Variants in NAV3 observed in about 807,000 individuals in gnomAD.
NAV3 encodes pore membrane and/or filament interacting like protein 1.
Under a neutral mutation model 244.7 loss-of-function variants are expected in NAV3, and 87 were observed. The ratio of observed to expected loss-of-function variants is 0.36; its 90% CI spans 0.30 to 0.42. The LOEUF (loss-of-function observed/expected upper bound fraction) is 0.42. NAV3 is among the 20% of genes least tolerant of loss of function. The probability of loss-of-function intolerance (pLI) is 1.00; values close to 1 mark genes in which losing one functional copy is unlikely to be tolerated. For missense variants in NAV3, 2,663 were observed against 2,893.3 expected, an observed-to-expected ratio of 0.92 and a Z score of 1.83; for synonymous variants, 1,126 against 1,042.2, an observed-to-expected ratio of 1.08 and a Z score of -1.55.
chr12:77,812,228 C>T (rs182272899), intron 2 of NAV3, among the ~76,000 whole-genome samples: 51 of 152,136 alleles, frequency 3.4e-4, no homozygotes, highest in Admixed American at 6.5e-4. Context: ...CCTCCTTGGA[C>T]TGAAAGCATT....
intron 2 of NAV3, among the ~76,000 whole-genome samples, chr12:77,630,851 A>G (rs760036704): frequency 2.0e-5 from 3 of 152,192 alleles, no homozygotes; most frequent in Non-Finnish European, 2.9e-5. Flanking sequence ...TGCTAGGTGA[A>G]CAACTTGCTG....
chr12:77,967,248 A>G (rs1336633153), intron 4 of NAV3, among the ~76,000 whole-genome samples: 4 of 152,090 alleles, frequency 2.6e-5, no homozygotes, highest in African/African-American at 9.6e-5. Context: ...TAAAATATAC[A>G]TGAATGCTCA....
intron 31 of NAV3, among the ~76,000 whole-genome samples, chr12:78,186,265 C>G (rs903153336): frequency 6.6e-6 from 1 of 151,876 alleles, no homozygotes; most frequent in African/African-American, 2.4e-5. Context: ...CTATCCCTTT[C>G]TTAAAACAAC....
chr12:77,724,352 G>A (rs1876781273), intron 2 of NAV3, among the ~76,000 whole-genome samples: 1 of 151,866 alleles, frequency 6.6e-6, no homozygotes, highest in South Asian at 2.1e-4. Context: ...ACTCAAAGAT[G>A]TTCAATTCTA....
At chr12:78,174,419 T>C (rs1958133381) in intron 24 of NAV3, among the ~76,000 whole-genome samples, 1 of 151,818 alleles carries the variant, frequency 6.6e-6, no homozygotes. Flanking sequence ...TTTAACACAA[T>C]GGATATTAGA....
chr12:77,910,490 T>A (rs1353333810), intron 1 of NAV3, among the ~76,000 whole-genome samples: 1 of 152,060 alleles, frequency 6.6e-6, no homozygotes, highest in Non-Finnish European at 1.5e-5. Context: ...CATTTCAACA[T>A]GAGATTTGGA....
intron 31 of NAV3, among the ~76,000 whole-genome samples, chr12:78,187,979 T>A (rs1958801773): frequency 6.6e-6 from 1 of 151,942 alleles, no homozygotes; most frequent in Admixed American, 6.6e-5. Context: ...AGGTCATGGA[T>A]CAGTTTTCCT....
intron 3 of NAV3, among the ~76,000 whole-genome samples, chr12:77,956,645 AAC>A (rs898922591): frequency 6.6e-6 from 1 of 152,172 alleles, no homozygotes; most frequent in Non-Finnish European, 1.5e-5. Context: ...CATCCTTGTG[AAC>A]AGTTTTCCTT....
chr12:77,747,808 T>C (rs1225609581), intron 2 of NAV3, among the ~76,000 whole-genome samples: 1 of 152,054 alleles, frequency 6.6e-6, no homozygotes, highest in East Asian at 1.9e-4. Flanking sequence ...CTGCATGTTC[T>C]CACTCATAGG....
chr12:78,148,948 A>G, intron 22 of NAV3, 29 bp downstream of exon 22: 1 of 1,550,144 alleles, frequency 6.5e-7, no homozygotes, highest in African/African-American at 1.4e-5. Context: ...AAAATATATT[A>G]CAACAAATTT....
At chr12:77,659,072 C>G in intron 2 of NAV3, among the ~76,000 whole-genome samples, 1 of 151,796 alleles carries the variant, frequency 6.6e-6, no homozygotes, top group South Asian at 2.1e-4. Context: ...GTCGAAAACA[C>G]CAAAAGCAAT....
chr12:78,064,668 G>GGATTA (rs1884795716), intron 12 of NAV3, among the ~76,000 whole-genome samples: 1 of 152,060 alleles, frequency 6.6e-6, no homozygotes, highest in African/African-American at 2.4e-5. Flanking sequence ...ATAACCCTGT[G>GGATTA]TAACTCCCAG....
chr12:77,995,864 T>A (rs1409820011), intron 6 of NAV3, among the ~76,000 whole-genome samples: 4 of 152,118 alleles, frequency 2.6e-5, no homozygotes, highest in African/African-American at 7.2e-5. Flanking sequence ...CTTCTAAGAC[T>A]TGGGCATGTA....
At chr12:77,760,677 T>C (rs1869416450) in intron 2 of NAV3, among the ~76,000 whole-genome samples, 1 of 152,206 alleles carries the variant, frequency 6.6e-6, no homozygotes. Context: ...CGTATGTGAC[T>C]TTTTTCAGTG....
At chr12:77,571,915 G>C (rs779064510) in exon 2 of NAV3, 9 of 152,148 alleles carry the variant, frequency 5.9e-5, no homozygotes, top group Non-Finnish European at 1.0e-4. Flanking sequence ...GAAAGAAAAA[G>C]ATAGCAGTTG....
chr12:77,962,953 A>G (rs2137884533), intron 3 of NAV3, among the ~76,000 whole-genome samples: 1 of 152,298 alleles, frequency 6.6e-6, no homozygotes, highest in Non-Finnish European at 1.5e-5. Flanking sequence ...ATTAAGGTAC[A>G]TGAAGTTATT....
rs760922961 is a variant in NAV3 at position 78,128,758 on chromosome 12, C to A, written c.4333C>A (p.Arg1445Ser). 6.2e-7 allele frequency: 1 copy of A among 1,613,922 alleles called. No individual in the cohort carries two copies. The highest frequency in any genetic ancestry group is 8.5e-7 in the Non-Finnish European group (1 of 1,179,984). The change falls in exon 18 of 40, where the codon CGT becomes AGT. Residue 1445 changes from arginine (R) to serine (S), a missense_variant. Physicochemically the swap from Arg to Ser is moderately radical, Grantham distance 110 (BLOSUM62 -1). This residue lies in a region of NAV3 where 354 missense variants were observed against 413.0 expected (regional missense o/e 0.86). Transcript: ENST00000397909. ...ANQEEGKEWL[R>S]SHSTGGLQDT... is the part of the protein sequence containing the mutation. Reference sequence around the variant, plus strand: ...CCAAGAAGAGGGCAAAGAGTGGTTGCGTTCTCATTCTACTGGAGGGCTTCA... The same window carrying A: ...CCAAGAAGAGGGCAAAGAGTGGTTGAGTTCTCATTCTACTGGAGGGCTTCA...
chr12:77,710,987 C>T (rs1876084009), intron 2 of NAV3, among the ~76,000 whole-genome samples: 1 of 151,942 alleles, frequency 6.6e-6, no homozygotes, highest in African/African-American at 2.4e-5. Flanking sequence ...TGATCTCATC[C>T]CAAATCAATG....
At chr12:77,677,653 A>G (rs1874266453) in intron 2 of NAV3, among the ~76,000 whole-genome samples, 1 of 152,252 alleles carries the variant, frequency 6.6e-6, no homozygotes, top group Admixed American at 6.5e-5. Context: ...ATTGCTGAGA[A>G]GATAAAATGA....
Sources: gnomAD v4.1 joint callset for allele counts (sites outside exome capture counted in the v4.1 genomes callset) on GRCh38, gnomAD v4.1.1 for gene constraint, gnomAD v4.1.1 regional missense constraint, MANE v1.5 for transcripts, NCBI Gene and HGNC (gene_info 2026-07-23, HGNC 2026-07-21) for gene names.